LTBP1: variants seen among roughly 807,000 people sequenced by gnomAD.
The protein encoded by LTBP1 is latent-transforming growth factor beta-binding protein 1.
Under a neutral mutation model 207.6 loss-of-function variants are expected in LTBP1, and 129 were observed. The observed-to-expected ratio is 0.62, with a 90% confidence interval of 0.54 to 0.72. The LOEUF (loss-of-function observed/expected upper bound fraction) is 0.72, where lower values mean the gene tolerates loss of function less well. Ranked by LOEUF, LTBP1 falls within the 30% of genes least tolerant of loss-of-function variation. The pLI, the probability that LTBP1 is intolerant of heterozygous loss-of-function variation, is 0.00. For missense variants in LTBP1, 2,281 were observed against 2,217.2 expected (o/e 1.03, Z -0.58); for synonymous variants, 963 against 833.7 (o/e 1.16, Z -2.67).
Position 33,273,774 on chromosome 2 carries a change from A to G in LTBP1, c.2736A>G (p.Lys912=), listed in dbSNP as rs1364487382. The stretch of plus-strand genomic sequence containing the variant: ...ACAGGTTCAGTGAACAACAGAGGAA[A>G]TGTGTGGGTAAGAGACAATTTGATT... ...EGYRFSEQQR[K]CVDIDECTQV... is the part of the protein sequence containing the mutation. Residue 912 remains lysine (K), a synonymous_variant, in exon 16 of 34, where the codon AAA becomes AAG. Coordinates refer to ENST00000404816, the MANE Select transcript of LTBP1 (RefSeq NM_206943.4). The G allele has an allele frequency of 2.5e-6, 4 of 1,601,816 alleles. No homozygotes were observed. The East Asian group carries it at 9.0e-5, about 36-fold the overall frequency.
chr2:33,045,077 G>A (rs2076381264), intron 3 of LTBP1, among the ~76,000 whole-genome samples: 1 of 152,124 alleles, frequency 6.6e-6, no homozygotes, highest in African/African-American at 2.4e-5. Flanking sequence ...TGTTCACTCT[G>A]ATGATAGTTT....
At chr2:33,397,339 A>C in intron 33 of LTBP1, 57 bp downstream of exon 33, 1 of 1,580,856 alleles carries the variant, frequency 6.3e-7, no homozygotes, top group Non-Finnish European at 8.7e-7. Context: ...CCCGTATCTC[A>C]GTCAGTAGAG....
At chr2:33,075,348 G>T (rs543376571) in intron 3 of LTBP1, among the ~76,000 whole-genome samples, 2 of 151,952 alleles carry the variant, frequency 1.3e-5, no homozygotes, top group Non-Finnish European at 2.9e-5. Flanking sequence ...TTTTTGGGGG[G>T]CAACATTTTC....
chr2:32,984,934 AAAAACAAAACAAAAC>A (rs59089750), intron 2 of LTBP1, among the ~76,000 whole-genome samples: 1 of 150,498 alleles, frequency 6.6e-6, no homozygotes, highest in African/African-American at 2.4e-5. Context: ...TCTGTTTCAA[AAAAACAAAACAAAAC>A]AAAACAAAAC....
At chr2:33,379,361 C>A (rs1387840737) in intron 31 of LTBP1, among the ~76,000 whole-genome samples, 1 of 152,106 alleles carries the variant, frequency 6.6e-6, no homozygotes, top group Non-Finnish European at 1.5e-5. Flanking sequence ...AGGTGCCTGC[C>A]ACCATGCCCA....
chr2:33,169,923 G>A (rs911985979), intron 5 of LTBP1, among the ~76,000 whole-genome samples: 1 of 152,196 alleles, frequency 6.6e-6, no homozygotes, highest in Non-Finnish European at 1.5e-5. Context: ...CAGCATTGTG[G>A]TAATATAATC....
At chr2:33,061,592 A>G (rs1303149422) in intron 3 of LTBP1, among the ~76,000 whole-genome samples, 1 of 152,162 alleles carries the variant, frequency 6.6e-6, no homozygotes, top group Non-Finnish European at 1.5e-5. Flanking sequence ...CTTTTTACTT[A>G]CCATACTATT....
intron 9 of LTBP1, among the ~76,000 whole-genome samples, chr2:33,228,697 C>CTTTTTTTTTTTTTTTTCTT: frequency 1.0e-5 from 1 of 99,060 alleles, no homozygotes; most frequent in Non-Finnish European, 1.9e-5. Context: ...GGGTTATACC[C>CTTTTTTTTTTTTTTTTCTT]TTTTTTTTTT....
At chr2:33,209,185 A>G (rs563588733) in intron 7 of LTBP1, among the ~76,000 whole-genome samples, 4 of 151,998 alleles carry the variant, frequency 2.6e-5, no homozygotes, top group African/African-American at 7.2e-5. Context: ...TCTTTCTACT[A>G]TTGCACCCTG....
chr2:33,221,528 C>T (rs988148870), intron 8 of LTBP1, among the ~76,000 whole-genome samples: 14 of 152,296 alleles, frequency 9.2e-5, no homozygotes, highest in Non-Finnish European at 1.0e-4. Flanking sequence ...TCCTGACTTC[C>T]TCTCATCACC....
At chr2:33,160,030 C>T (rs1447564502) in intron 5 of LTBP1, among the ~76,000 whole-genome samples, 2 of 152,114 alleles carry the variant, frequency 1.3e-5, no homozygotes, top group African/African-American at 4.8e-5. Flanking sequence ...AGGCACCCGC[C>T]ACCACACCTG....
chr2:33,121,738 G>C (rs1412008031), intron 4 of LTBP1, among the ~76,000 whole-genome samples: 1 of 152,024 alleles, frequency 6.6e-6, no homozygotes, highest in Non-Finnish European at 1.5e-5. Context: ...GCCTTTATTC[G>C]TCAGTCAAAA....
intron 11 of LTBP1, among the ~76,000 whole-genome samples, chr2:33,256,121 A>G (rs1311700012): frequency 5.3e-5 from 8 of 151,214 alleles, no homozygotes; most frequent in Admixed American, 1.3e-4. Context: ...TTTTCTGGCA[A>G]TGGTAGTGAT....
At position 33,103,893 on chromosome 2, in the gene LTBP1, G is replaced by A. The variant is rs574218079; in HGVS notation, c.864-6689G>A. On this transcript the variant is annotated intron_variant, in intron 3 of 33. Coordinates refer to ENST00000404816, the MANE Select transcript of LTBP1 (RefSeq NM_206943.4). ...CCCTGGCAGCCTGAAGGTGACCCCT[G>A]CACTTTCCTCCTGAATCCCTGTTTC... Among the ~76,000 whole-genome samples the A allele has an allele frequency of 1.1e-4, 17 of 152,162 alleles. No individual in the cohort carries two copies. The East Asian group carries it at 3.1e-3, about 28-fold the overall frequency.
chr2:33,385,003 T>C (rs2095253626), intron 31 of LTBP1, among the ~76,000 whole-genome samples: 1 of 152,220 alleles, frequency 6.6e-6, no homozygotes, highest in Admixed American at 6.5e-5. Context: ...CCTATTCTCT[T>C]CTGTTAACTT....
At chr2:33,282,424 T>C (rs1174265220) in intron 19 of LTBP1, among the ~76,000 whole-genome samples, 2 of 152,170 alleles carry the variant, frequency 1.3e-5, no homozygotes, top group Non-Finnish European at 2.9e-5. Flanking sequence ...CCTTTGCAGG[T>C]TATACTGAAA....
At chr2:33,190,706 ATATT>A (rs748932406) in intron 7 of LTBP1, among the ~76,000 whole-genome samples, 1 of 152,184 alleles carries the variant, frequency 6.6e-6, no homozygotes, top group African/African-American at 2.4e-5. Context: ...AGCTTAGAGA[ATATT>A]TATCAAGATG....
chr2:33,083,697 A>T (rs1302974061), intron 3 of LTBP1, among the ~76,000 whole-genome samples: 2 of 152,218 alleles, frequency 1.3e-5, no homozygotes, highest in Non-Finnish European at 2.9e-5. Context: ...CCCAACAGGA[A>T]GCCATATTAC....
intron 2 of LTBP1, among the ~76,000 whole-genome samples, chr2:32,964,542 A>G (rs960959043): frequency 4.0e-5 from 6 of 151,764 alleles, no homozygotes; most frequent in Non-Finnish European, 8.8e-5. Flanking sequence ...AAGTAAATAG[A>G]TTTTTTTTTC....
Sources: gnomAD v4.1 joint callset for allele counts (sites outside exome capture counted in the v4.1 genomes callset) on GRCh38, gnomAD v4.1.1 for gene constraint, MANE v1.5 for transcripts, NCBI Gene and HGNC (gene_info 2026-07-23, HGNC 2026-07-21) for gene names.